The following TSHZ2 variants were observed in gnomAD, a reference collection of about 807,000 sequenced individuals.
TSHZ2 encodes the protein teashirt zinc finger homeobox 2.
TSHZ2 carries 21 observed loss-of-function variants against 74.4 expected under a neutral mutation model. The ratio of observed to expected loss-of-function variants is 0.28; its 90% CI spans 0.20 to 0.41. The LOEUF (loss-of-function observed/expected upper bound fraction) is 0.41, where lower values mean the gene tolerates loss of function less well. Ranked by LOEUF, TSHZ2 falls within the 10% of genes least tolerant of loss-of-function variation. The probability of loss-of-function intolerance (pLI) is 1.00; values close to 1 mark genes in which losing one functional copy is unlikely to be tolerated. For missense variants in TSHZ2, 1,244 were observed against 1,293.5 expected, an observed-to-expected ratio of 0.96 and a Z score of 0.59; for synonymous variants, 540 against 515.3, an observed-to-expected ratio of 1.05 and a Z score of -0.65.
chr20:53,130,665 G>A (rs988774243), intron 1 of TSHZ2, among the ~76,000 whole-genome samples: 27 of 152,050 alleles, frequency 1.8e-4, no homozygotes, highest in African/African-American at 6.0e-4. Context: ...AAAGTAACAG[G>A]GTCGACTGAT....
At chr20:53,076,721 C>A (rs557411796) in intron 1 of TSHZ2, among the ~76,000 whole-genome samples, 1 of 152,266 alleles carries the variant, frequency 6.6e-6, no homozygotes, top group Non-Finnish European at 1.5e-5. Flanking sequence ...ACCTTATTTG[C>A]TGACAACATG....
In TSHZ2 at chr20:53,457,170, T is replaced by C. The variant is rs1458801782; in HGVS notation, c.*9-29974T>C. On this transcript the variant is annotated intron_variant, in intron 2 of 2. Transcript: ENST00000371497. ...GGGCAGTATGGCCATTTTCACGATATTGATTCTTCCTACCCATGAGCATGG... is the reference window on the plus strand; with the variant it reads ...GGGCAGTATGGCCATTTTCACGATACTGATTCTTCCTACCCATGAGCATGG... Among the ~76,000 whole-genome samples the C allele has an allele frequency of 2.8e-5, 4 of 141,656 alleles. 1 individual carries two copies. Among genetic ancestry groups the C allele is most frequent in the Non-Finnish European group, 6.1e-5 (4 of 66,104 alleles). 92.9% of individuals were successfully genotyped at this position (141,656 alleles called of 152,430 possible). A position where few individuals can be genotyped will look rare whatever the true frequency, so the allele number is the denominator to read the frequency against.
chr20:53,219,457 C>G (rs935234194), intron 1 of TSHZ2, among the ~76,000 whole-genome samples: 2 of 152,202 alleles, frequency 1.3e-5, no homozygotes, highest in Non-Finnish European at 2.9e-5. Context: ...ATAGTTAGCA[C>G]TATAACTTTC....
At chr20:53,362,483 C>T (rs1981106037) in intron 2 of TSHZ2, among the ~76,000 whole-genome samples, 1 of 152,168 alleles carries the variant, frequency 6.6e-6, no homozygotes, top group Non-Finnish European at 1.5e-5. Flanking sequence ...CGTGCCCGGC[C>T]CACACAGTTT....
chr20:52,978,070 T>G (rs1415230855), intron 1 of TSHZ2, among the ~76,000 whole-genome samples: 1 of 152,192 alleles, frequency 6.6e-6, no homozygotes, highest in Non-Finnish European at 1.5e-5. Context: ...CAGCTTGACT[T>G]TTGTCATAGT....
chr20:53,144,536 G>T (rs1454263961), intron 1 of TSHZ2, among the ~76,000 whole-genome samples: 1 of 152,142 alleles, frequency 6.6e-6, no homozygotes, highest in East Asian at 1.9e-4. Flanking sequence ...TTTGCTATCT[G>T]CCAGTTATGG....
intron 2 of TSHZ2, among the ~76,000 whole-genome samples, chr20:53,386,069 C>T (rs1356551857): frequency 1.3e-5 from 2 of 152,226 alleles, no homozygotes; most frequent in South Asian, 2.1e-4. Flanking sequence ...CTGGAGAAGG[C>T]CAGGCCCTGG....
intron 1 of TSHZ2, among the ~76,000 whole-genome samples, chr20:53,036,678 A>AATAT (rs1555817411): frequency 1.4e-5 from 2 of 146,454 alleles, no homozygotes; most frequent in Non-Finnish European, 3.0e-5. Flanking sequence ...TAATCTGTAC[A>AATAT]TAATATGTGT....
rs969934699 is a variant in TSHZ2 at position 53,489,462 on chromosome 20, C to A, written c.*2327C>A. On this transcript the variant is annotated 3_prime_UTR_variant, in exon 3 of 3. Transcript: ENST00000371497. ...GCTGTTAAAAATTGTCTGCTCCAATCCAGGGTTATTAGGCCAAAGTTACAT... is the reference window on the plus strand; with the variant it reads ...GCTGTTAAAAATTGTCTGCTCCAATACAGGGTTATTAGGCCAAAGTTACAT... 1.6e-5 allele frequency: 5 copies of A among 305,398 alleles called. No homozygotes were observed. Among genetic ancestry groups the A allele is most frequent in the Non-Finnish European group, 3.2e-5 (5 of 156,136 alleles). The allele number at this position is 305,398 out of a possible 1,614,324, so 18.9% of individuals were successfully genotyped here. A position where few individuals can be genotyped will look rare whatever the true frequency, so the allele number is the denominator to read the frequency against.
chr20:53,230,226 T>C (rs2123668154), intron 1 of TSHZ2, among the ~76,000 whole-genome samples: 1 of 152,220 alleles, frequency 6.6e-6, no homozygotes, highest in Non-Finnish European at 1.5e-5. Flanking sequence ...CACAGGCAAA[T>C]CCCACATTCA....
chr20:53,482,187 C>T (rs964072494), intron 2 of TSHZ2, among the ~76,000 whole-genome samples: 6 of 147,690 alleles, frequency 4.1e-5, no homozygotes, highest in Non-Finnish European at 8.9e-5. Context: ...CTAATAATGT[C>T]AATGTTCAGC....
intron 1 of TSHZ2, among the ~76,000 whole-genome samples, chr20:53,112,393 C>T (rs1443985273): frequency 1.3e-5 from 2 of 152,196 alleles, no homozygotes; most frequent in Non-Finnish European, 2.9e-5. Flanking sequence ...CATTTTAATG[C>T]CTCAGTTTTG....
rs1991082182 is a variant in TSHZ2, at chr20:53,282,478, C to T, written c.*8+25907C>T. On this transcript the variant is annotated intron_variant, in intron 2 of 2. Coordinates refer to ENST00000371497, the MANE Select transcript of TSHZ2 (RefSeq NM_173485.6). ...CTTTTTTCTGATTTAACCCTTACCA[C>T]ACGCTTTAAGTAGCGATATTACCCC... Among the ~76,000 whole-genome samples the T allele has an allele frequency of 3.3e-5, 5 of 152,336 alleles. No homozygotes were observed. The South Asian group carries it at 1.0e-3, about 32-fold the overall frequency.
intron 2 of TSHZ2, among the ~76,000 whole-genome samples, chr20:53,344,668 A>G (rs1231973196): frequency 6.6e-6 from 1 of 152,232 alleles, no homozygotes; most frequent in Non-Finnish European, 1.5e-5. Flanking sequence ...CTGTATTTAT[A>G]CTAATCACTA....
intron 1 of TSHZ2, among the ~76,000 whole-genome samples, chr20:53,132,739 CATT>C (rs1987139168): frequency 6.6e-6 from 1 of 152,160 alleles, no homozygotes; most frequent in African/African-American, 2.4e-5. Context: ...GACACTTTAT[CATT>C]GAGTGCCAAG....
At chr20:53,448,550 A>G (rs959976624) in intron 2 of TSHZ2, among the ~76,000 whole-genome samples, 1 of 152,204 alleles carries the variant, frequency 6.6e-6, no homozygotes, top group Non-Finnish European at 1.5e-5. Flanking sequence ...TAAACCATAA[A>G]CATCAGTTCT....
At chr20:53,359,681 A>G (rs1980979316) in intron 2 of TSHZ2, among the ~76,000 whole-genome samples, 1 of 152,184 alleles carries the variant, frequency 6.6e-6, no homozygotes, top group Non-Finnish European at 1.5e-5. Flanking sequence ...GCTCTGAGCC[A>G]TGTGGTTGGT....
At chr20:53,010,437 C>CA (rs1306640088) in intron 1 of TSHZ2, among the ~76,000 whole-genome samples, 85 of 152,248 alleles carry the variant, frequency 5.6e-4, no homozygotes, top group African/African-American at 2.0e-3. Flanking sequence ...ACTAGTAACT[C>CA]AGAGTGGAAA....
chr20:53,276,953 A>G (rs1000772462), intron 2 of TSHZ2, among the ~76,000 whole-genome samples: 19 of 152,214 alleles, frequency 1.2e-4, no homozygotes, highest in Non-Finnish European at 2.5e-4. Flanking sequence ...TCAAACCAAC[A>G]TAGGGGTCCA....
Sources: gnomAD v4.1 joint callset for allele counts (sites outside exome capture counted in the v4.1 genomes callset) on GRCh38, gnomAD v4.1.1 for gene constraint, MANE v1.5 for transcripts, NCBI Gene and HGNC (gene_info 2026-07-23, HGNC 2026-07-21) for gene names.